PPP1R9A: variants seen among roughly 807,000 people sequenced by gnomAD.
The protein encoded by PPP1R9A is neurabin-1.
Under a neutral mutation model 141.9 loss-of-function variants are expected in PPP1R9A, and 59 were observed. The ratio of observed to expected loss-of-function variants is 0.42; its 90% CI spans 0.34 to 0.52. PPP1R9A has a LOEUF of 0.52. PPP1R9A is among the 20% of genes least tolerant of loss of function. PPP1R9A has a pLI of 0.10. For missense variants in PPP1R9A, 1,444 were observed against 1,611.9 expected (o/e 0.90, Z 1.78); for synonymous variants, 500 against 569.7 (o/e 0.88, Z 1.74).
At chr7:95,287,262 G>T in intron 18 of PPP1R9A, 1 of 1,157,378 alleles carries the variant, frequency 8.6e-7, no homozygotes, top group Non-Finnish European at 1.3e-6. Context: ...GGGTTTCCTT[G>T]TGTTAAATAG....
chr7:95,014,766 C>T (rs904347105), intron 2 of PPP1R9A, among the ~76,000 whole-genome samples: 9 of 151,948 alleles, frequency 5.9e-5, no homozygotes, highest in African/African-American at 1.7e-4. Context: ...CTGTCACTTC[C>T]GTATTTACTA....
chr7:95,112,521 A>G (rs1820746830), intron 3 of PPP1R9A, among the ~76,000 whole-genome samples: 1 of 152,208 alleles, frequency 6.6e-6, no homozygotes, highest in Non-Finnish European at 1.5e-5. Flanking sequence ...ATAATTGAAC[A>G]TAGAACTATC....
intron 5 of PPP1R9A, among the ~76,000 whole-genome samples, chr7:95,171,880 A>G (rs982564841): frequency 1.3e-5 from 2 of 151,634 alleles, no homozygotes; most frequent in Non-Finnish European, 3.0e-5. Flanking sequence ...ATCACAAACC[A>G]ATATTCCTCA....
intron 5 of PPP1R9A, among the ~76,000 whole-genome samples, chr7:95,167,692 T>G (rs1450147297): frequency 6.6e-6 from 1 of 151,972 alleles, no homozygotes; most frequent in Non-Finnish European, 1.5e-5. Context: ...TAAAACAAAT[T>G]CAGTAAAGTT....
intron 5 of PPP1R9A, among the ~76,000 whole-genome samples, chr7:95,173,438 T>A (rs185478208): frequency 0.011 from 1,700 of 151,912 alleles, 15 homozygotes; most frequent in Non-Finnish European, 0.017. Context: ...TGAAAAAAAA[T>A]TTTTAATGCA....
At chr7:95,072,680 A>G (rs1814033205) in intron 2 of PPP1R9A, among the ~76,000 whole-genome samples, 2 of 119,038 alleles carry the variant, frequency 1.7e-5, no homozygotes, top group Admixed American at 1.2e-4. Context: ...ATTATATTAC[A>G]TATTATATAT....
intron 8 of PPP1R9A, among the ~76,000 whole-genome samples, chr7:95,243,446 A>G (rs754371817): frequency 1.3e-5 from 2 of 152,166 alleles, no homozygotes; most frequent in African/African-American, 2.4e-5. Context: ...AGCTTCATTA[A>G]TAATAACAGC....
intron 4 of PPP1R9A, among the ~76,000 whole-genome samples, chr7:95,145,744 T>C (rs1223216618): frequency 6.6e-6 from 1 of 152,102 alleles, no homozygotes; most frequent in Non-Finnish European, 1.5e-5. Context: ...AGAGAGAACA[T>C]GTGGTGTTTG....
Position 94,912,700 on chromosome 7 carries a change from T to C in PPP1R9A, c.1395+1192T>C, listed in dbSNP as rs1229449196. 2.0e-5 allele frequency among the ~76,000 whole-genome samples: 3 copies of C among 152,188 alleles called. No individual in the cohort carries two copies. The East Asian group carries it at 5.8e-4, about 29-fold the overall frequency. ...ATACTATTCTGAAATAAAGTAATAA[T>C]CTATGAAATTATTTACAGATGTTAG... On this transcript the variant is annotated intron_variant, in intron 2 of 19. Transcript: ENST00000433360.
At chr7:95,210,543 G>A (rs1404129821) in intron 7 of PPP1R9A, among the ~76,000 whole-genome samples, 2 of 151,696 alleles carry the variant, frequency 1.3e-5, no homozygotes, top group African/African-American at 4.8e-5. Flanking sequence ...TCAGCTCACT[G>A]CAACCTCCGC....
At chr7:95,095,397 C>G (rs952222883) in intron 2 of PPP1R9A, among the ~76,000 whole-genome samples, 1 of 152,072 alleles carries the variant, frequency 6.6e-6, no homozygotes. Flanking sequence ...ACCATTAATC[C>G]TATACTAACG....
intron 4 of PPP1R9A, among the ~76,000 whole-genome samples, chr7:95,130,588 A>G (rs1022756419): frequency 2.6e-5 from 4 of 152,216 alleles, no homozygotes; most frequent in Non-Finnish European, 2.9e-5. Flanking sequence ...AGATGGGTAC[A>G]TCCACTGACA....
chr7:95,165,940 G>A (rs972929274), intron 5 of PPP1R9A, among the ~76,000 whole-genome samples: 1 of 152,084 alleles, frequency 6.6e-6, no homozygotes, highest in Non-Finnish European at 1.5e-5. Context: ...CTGAGGTCAG[G>A]AATTCGAGAC....
chr7:94,980,297 G>A (rs879485973), intron 2 of PPP1R9A, among the ~76,000 whole-genome samples: 4 of 152,124 alleles, frequency 2.6e-5, no homozygotes, highest in Non-Finnish European at 5.9e-5. Flanking sequence ...TGGGCCACAG[G>A]TTGGACAAGC....
intron 2 of PPP1R9A, among the ~76,000 whole-genome samples, chr7:94,918,376 G>A (rs1385119146): frequency 1.3e-5 from 2 of 152,032 alleles, no homozygotes; most frequent in Non-Finnish European, 2.9e-5. Context: ...CCGATGGAGA[G>A]TTTATTACTT....
chr7:95,226,973 A>G (rs937726641), intron 8 of PPP1R9A, among the ~76,000 whole-genome samples: 3 of 152,204 alleles, frequency 2.0e-5, no homozygotes, highest in Admixed American at 1.3e-4. Context: ...CCATCATTGA[A>G]GAGAAATGTG....
At chr7:95,045,761 C>T (rs968202782) in intron 2 of PPP1R9A, among the ~76,000 whole-genome samples, 2 of 152,004 alleles carry the variant, frequency 1.3e-5, no homozygotes, top group Non-Finnish European at 2.9e-5. Flanking sequence ...CTGCCCTGCT[C>T]ATGCCTAACT....
chr7:95,203,383 C>T (rs1790002664), intron 6 of PPP1R9A, among the ~76,000 whole-genome samples: 1 of 152,018 alleles, frequency 6.6e-6, no homozygotes, highest in Non-Finnish European at 1.5e-5. Context: ...TTTGCCATTC[C>T]TAGTTGGAAA....
At chr7:95,125,958 A>C (rs1823494045) in intron 4 of PPP1R9A, among the ~76,000 whole-genome samples, 1 of 152,262 alleles carries the variant, frequency 6.6e-6, no homozygotes, top group Admixed American at 6.5e-5. Context: ...CTTCAGCCTA[A>C]GAGAACCCTG....
Sources: gnomAD v4.1 joint callset for allele counts (sites outside exome capture counted in the v4.1 genomes callset) on GRCh38, gnomAD v4.1.1 for gene constraint, MANE v1.5 for transcripts, NCBI Gene and HGNC (gene_info 2026-07-23, HGNC 2026-07-21) for gene names.